DNAJC1: variants seen among roughly 807,000 people sequenced by gnomAD.
DNAJC1 encodes DnaJ heat shock protein family (Hsp40) member C1.
Under a neutral mutation model 76.6 loss-of-function variants are expected in DNAJC1, and 58 were observed. That is an observed-to-expected ratio of 0.76 (90% CI 0.61 to 0.94). The LOEUF (loss-of-function observed/expected upper bound fraction) is 0.94. Ranked by LOEUF, DNAJC1 falls within the 40% of genes least tolerant of loss-of-function variation. The pLI, the probability that DNAJC1 is intolerant of heterozygous loss-of-function variation, is 0.00. For synonymous variants in DNAJC1, 258 were observed against 267.9 expected (o/e 0.96, Z 0.36); for missense variants, 689 against 677.3 (o/e 1.02, Z -0.19).
intron 9 of DNAJC1, among the ~76,000 whole-genome samples, chr10:21,773,320 C>T (rs1006336097): frequency 6.6e-6 from 1 of 152,164 alleles, no homozygotes; most frequent in African/African-American, 2.4e-5. Flanking sequence ...AGTCTTGGTA[C>T]ATCATGTCTT....
chr10:21,931,093 A>C (rs1837214301), intron 1 of DNAJC1, among the ~76,000 whole-genome samples: 1 of 152,156 alleles, frequency 6.6e-6, no homozygotes, highest in Admixed American at 6.5e-5. Flanking sequence ...CCAAATGTAA[A>C]TGTGGTCAGA....
At chr10:21,951,195 C>A (rs1376654966) in intron 1 of DNAJC1, among the ~76,000 whole-genome samples, 1 of 152,048 alleles carries the variant, frequency 6.6e-6, no homozygotes, top group African/African-American at 2.4e-5. Flanking sequence ...TGGTACGCAC[C>A]TGTAATCCCA....
At chr10:21,863,239 G>A (rs751473024) in intron 8 of DNAJC1, among the ~76,000 whole-genome samples, 18 of 151,968 alleles carry the variant, frequency 1.2e-4, no homozygotes, top group Non-Finnish European at 2.6e-4. Flanking sequence ...AAAAATAAAT[G>A]AAACCAAAAG....
At chr10:21,994,435 G>A (rs1047763173) in intron 1 of DNAJC1, among the ~76,000 whole-genome samples, 4 of 152,128 alleles carry the variant, frequency 2.6e-5, no homozygotes, top group Admixed American at 6.6e-5. Flanking sequence ...AACTACTATA[G>A]AACTGCACAA....
chr10:21,904,425 ACCAG>A, intron 7 of DNAJC1, 93 bp downstream of exon 7: 1 of 819,880 alleles, frequency 1.2e-6, no homozygotes. Context: ...AAAAAAGAAA[ACCAG>A]AAAATTTAAT....
chr10:21,818,078 C>T (rs1056297398), intron 8 of DNAJC1, among the ~76,000 whole-genome samples: 8 of 152,270 alleles, frequency 5.3e-5, no homozygotes, highest in South Asian at 2.1e-4. Context: ...AAACTCTGAC[C>T]GCTGGTGAGC....
chr10:21,903,818 G>A (rs926612358), intron 7 of DNAJC1, among the ~76,000 whole-genome samples: 1 of 151,968 alleles, frequency 6.6e-6, no homozygotes, highest in African/African-American at 2.4e-5. Flanking sequence ...TGGGGGTGGG[G>A]GGTTGGAAAT....
chr10:21,761,708 A>C (rs1488032965), intron 10 of DNAJC1, among the ~76,000 whole-genome samples: 7 of 152,180 alleles, frequency 4.6e-5, no homozygotes, highest in African/African-American at 1.4e-4. Context: ...ACAGTGTCAC[A>C]CACCCTATGT....
intron 8 of DNAJC1, among the ~76,000 whole-genome samples, chr10:21,852,114 C>T (rs923060457): frequency 2.6e-5 from 4 of 151,230 alleles, no homozygotes; most frequent in African/African-American, 9.7e-5. Flanking sequence ...CACACACACA[C>T]ACACACACAC....
chr10:21,795,770 T>C (rs1834744344), intron 9 of DNAJC1, among the ~76,000 whole-genome samples: 1 of 152,170 alleles, frequency 6.6e-6, no homozygotes, highest in East Asian at 1.9e-4. Context: ...TTTATATCCA[T>C]TGAACAACAA....
chr10:21,834,894 C>A (rs548296117), intron 8 of DNAJC1, among the ~76,000 whole-genome samples: 5 of 152,248 alleles, frequency 3.3e-5, no homozygotes, highest in Non-Finnish European at 7.3e-5. Flanking sequence ...GGCTCCACCT[C>A]TGGGGACAGG....
intron 8 of DNAJC1, among the ~76,000 whole-genome samples, chr10:21,857,859 A>C (rs1835862288): frequency 6.6e-6 from 1 of 151,148 alleles, no homozygotes; most frequent in South Asian, 2.2e-4. Flanking sequence ...CGTCTCAAAA[A>C]AACAAACAAA....
chr10:21,999,820 G>A (rs760270214), intron 1 of DNAJC1, among the ~76,000 whole-genome samples: 23 of 151,988 alleles, frequency 1.5e-4, no homozygotes, highest in Non-Finnish European at 3.1e-4. Context: ...TCTCTTTTAC[G>A]TTCACTCCCT....
chr10:21,819,277 T>C (rs1835119900), intron 8 of DNAJC1, among the ~76,000 whole-genome samples: 1 of 151,954 alleles, frequency 6.6e-6, no homozygotes, highest in South Asian at 2.1e-4. Flanking sequence ...GGCGTGCATC[T>C]GTAGTCCCAG....
intron 1 of DNAJC1, among the ~76,000 whole-genome samples, chr10:21,962,024 C>A (rs1389054751): frequency 6.6e-6 from 1 of 152,164 alleles, no homozygotes; most frequent in Non-Finnish European, 1.5e-5. Context: ...CAGGTCTTTG[C>A]TCAAATATTG....
At chr10:21,958,531 G>A (rs921218161) in intron 1 of DNAJC1, among the ~76,000 whole-genome samples, 6 of 151,792 alleles carry the variant, frequency 4.0e-5, no homozygotes, top group African/African-American at 1.5e-4. Context: ...GGGCTCAAGC[G>A]ATTCTCCTTC....
intron 8 of DNAJC1, among the ~76,000 whole-genome samples, chr10:21,852,032 G>A (rs918221607): frequency 1.3e-5 from 2 of 151,438 alleles, no homozygotes; most frequent in African/African-American, 2.4e-5. Context: ...CAGCCTGAGC[G>A]ACAGAGTGAG....
At chr10:21,948,914 T>C (rs1408955629) in intron 1 of DNAJC1, among the ~76,000 whole-genome samples, 2 of 152,174 alleles carry the variant, frequency 1.3e-5, no homozygotes, top group Non-Finnish European at 2.9e-5. Flanking sequence ...ATTTCTAGGA[T>C]AGAGATGCCA....
intron 8 of DNAJC1, among the ~76,000 whole-genome samples, chr10:21,840,671 T>C (rs529366170): frequency 1.3e-5 from 2 of 152,154 alleles, no homozygotes; most frequent in South Asian, 4.1e-4. Context: ...AAAATGGCCA[T>C]ACTGCCCAAG....
Sources: allele counts gnomAD v4.1 joint callset (sites outside exome capture counted in the v4.1 genomes callset), GRCh38; gene constraint gnomAD v4.1.1; transcripts MANE v1.5; gene names NCBI Gene and HGNC (gene_info 2026-07-23, HGNC 2026-07-21).